Variants in OSMR observed in about 807,000 individuals in gnomAD.
OSMR encodes oncostatin-M-specific receptor subunit beta.
In OSMR, 81 loss-of-function variants were observed where a neutral mutation model predicts 99.9. That is an observed-to-expected ratio of 0.81 (90% CI 0.68 to 0.97). OSMR has a LOEUF of 0.97. Among genes scored for constraint, OSMR ranks in the 50% least tolerant of loss-of-function variants. The pLI is 0.00. For missense variants in OSMR, 1,099 were observed against 1,153.4 expected (o/e 0.95, Z 0.68); for synonymous variants, 406 against 410.4 (o/e 0.99, Z 0.13).
chr5:38,899,680 G>A (rs1441266817), intron 7 of OSMR, among the ~76,000 whole-genome samples: 2 of 152,176 alleles, frequency 1.3e-5, no homozygotes, highest in African/African-American at 4.8e-5. Context: ...TTCTGGCCCA[G>A]GGTGTGTCTT....
intron 3 of OSMR, among the ~76,000 whole-genome samples, chr5:38,879,683 G>A (rs1743118281): frequency 6.6e-6 from 1 of 150,380 alleles, no homozygotes; most frequent in South Asian, 2.1e-4. Flanking sequence ...GAGTGCAGTG[G>A]CGCAATCCCA....
At chr5:38,940,031 T>TG, downstream of OSMR, 1 of 226,674 alleles carries the variant, frequency 4.4e-6, no homozygotes, top group Non-Finnish European at 8.8e-6. Flanking sequence ...TTTTTTTTTT[T>TG]TTAGTATACT....
chr5:38,910,738 C>T lies in OSMR; in HGVS notation c.1285+6235C>T, dbSNP rs538764082. On this transcript the variant is annotated intron_variant, in intron 9 of 17. Transcript: ENST00000274276. The stretch of plus-strand genomic sequence containing the variant: ...TTAAGAGTAAAGTTTTGGCTGGGTG[C>T]GGTAGCTCACACCTGTAATCCCAGC... Among the ~76,000 whole-genome samples the T allele has an allele frequency of 3.3e-5, 5 of 152,232 alleles. No individual in the cohort carries two copies. In the East Asian group the frequency reaches 7.7e-4, roughly 24 times the overall value.
intron 14 of OSMR, 83 bp downstream of exon 14, chr5:38,924,678 G>T: frequency 8.3e-7 from 1 of 1,208,644 alleles, no homozygotes; most frequent in South Asian, 1.2e-5. Flanking sequence ...TGCCATCTCA[G>T]ACTGTGGCCA....
chr5:38,925,444 T>A, intron 15 of OSMR, 73 bp downstream of exon 15: 1 of 1,350,082 alleles, frequency 7.4e-7, no homozygotes, highest in Non-Finnish European at 1.1e-6. Flanking sequence ...AGTGTTGACT[T>A]AGGCTTTGTC....
Position 38,931,634 on chromosome 5 carries a change from T to TATCA in OSMR, c.2213-248_2213-245dup, listed in dbSNP as rs141116014. The TATCA allele has an allele frequency of 1.8e-3, 396 of 215,668 alleles. 1 individual carries two copies. Among genetic ancestry groups the TATCA allele is most frequent in the African/African-American group, 8.6e-3 (366 of 42,674 alleles). 13.4% of individuals were successfully genotyped at this position (215,668 alleles called of 1,614,324 possible). ...TAATACAGCAAGTCATGATCCAATCTATCAGAAGAGATAGATAGTAACAAA... is the reference window on the plus strand; with the variant it reads ...TAATACAGCAAGTCATGATCCAATCTATCAATCAGAAGAGATAGATAGTAACAAA... On this transcript the variant is annotated intron_variant, in intron 15 of 17. Coordinates refer to ENST00000274276, the MANE Select transcript of OSMR (RefSeq NM_003999.3).
At chr5:38,864,710 G>C (rs1490462830) in intron 1 of OSMR, among the ~76,000 whole-genome samples, 1 of 151,926 alleles carries the variant, frequency 6.6e-6, no homozygotes, top group Non-Finnish European at 1.5e-5. Context: ...ACTTTTGACT[G>C]TCTGCCTTTT....
At chr5:38,885,818 CG>C (rs1305007541) in intron 6 of OSMR, 5 of 936,604 alleles carry the variant, frequency 5.3e-6, no homozygotes, top group Admixed American at 6.2e-5. Flanking sequence ...TTGCCACCCA[CG>C]GGGAGTCAGT....
chr5:38,925,697 A>AT (rs1393631681), intron 15 of OSMR, among the ~76,000 whole-genome samples: 1 of 152,176 alleles, frequency 6.6e-6, no homozygotes, highest in African/African-American at 2.4e-5. Flanking sequence ...CAGATAGCAT[A>AT]TTTTAGTGTT....
intron 1 of OSMR, among the ~76,000 whole-genome samples, chr5:38,858,317 CTTTTT>C: frequency 7.2e-6 from 1 of 139,702 alleles, no homozygotes. Flanking sequence ...ATGAGATCCA[CTTTTT>C]TTTTTTTTTT....
At chr5:38,892,991 A>T (rs1033465240) in intron 7 of OSMR, among the ~76,000 whole-genome samples, 1 of 152,200 alleles carries the variant, frequency 6.6e-6, no homozygotes, top group Non-Finnish European at 1.5e-5. Flanking sequence ...AGCTCTGCCC[A>T]CATTTGTCAC....
chr5:38,866,187 G>T (rs1195381981), intron 1 of OSMR, among the ~76,000 whole-genome samples: 3 of 152,172 alleles, frequency 2.0e-5, no homozygotes, highest in Non-Finnish European at 4.4e-5. Context: ...AGTGAGGGTG[G>T]TGCTATGTGT....
At chr5:38,886,005 G>C (rs745338619) in intron 6 of OSMR, 34 bp from the exon 7 acceptor site, 7 of 1,610,356 alleles carry the variant, frequency 4.3e-6, no homozygotes, top group East Asian at 4.5e-5. Flanking sequence ...TAAAAACCTC[G>C]TAATGGTTGT....
downstream of OSMR, chr5:38,939,957 T>C (rs1449150864): frequency 2.2e-5 from 5 of 229,118 alleles, no homozygotes; most frequent in Non-Finnish European, 3.5e-5. Flanking sequence ...TCAAAGAAAA[T>C]GTATTAGACC....
intron 9 of OSMR, among the ~76,000 whole-genome samples, chr5:38,910,749 A>G (rs1745524270): frequency 1.3e-5 from 2 of 152,188 alleles, no homozygotes; most frequent in African/African-American, 4.8e-5. Context: ...GGTAGCTCAC[A>G]CCTGTAATCC....
chr5:38,914,579 C>T, intron 9 of OSMR, among the ~76,000 whole-genome samples: 1 of 152,180 alleles, frequency 6.6e-6, no homozygotes, highest in Admixed American at 6.5e-5. Context: ...TTCACCATAG[C>T]AAAGACATGG....
chr5:38,852,480 G>A (rs189982805), intron 1 of OSMR, among the ~76,000 whole-genome samples: 36 of 152,054 alleles, frequency 2.4e-4, no homozygotes, highest in Admixed American at 1.2e-3. Flanking sequence ...CTTTTTAAAC[G>A]TTACCAATTG....
intron 2 of OSMR, 106 bp from the exon 3 acceptor site, chr5:38,876,095 A>G: frequency 6.6e-7 from 1 of 1,508,596 alleles, no homozygotes; most frequent in Non-Finnish European, 9.0e-7. Context: ...CATATGAGCA[A>G]TATTTTCCAG....
Position 38,921,631 on chromosome 5 carries a change from A to G in OSMR, c.1602A>G (p.Glu534=), listed in dbSNP as rs746236505. ...ADPENKEVEE[E]RIAGTEGGFS... is the part of the protein sequence containing the mutation. ...TATATACAGAAGAGGTTGAGGAAGA[A>G]AGAATTGCAGGCACAGAGGGTGGAT... is the stretch of plus-strand genomic sequence containing the variant. Residue 534 remains glutamate (E), a synonymous_variant, in exon 12 of 18, where the codon GAA becomes GAG. Coordinates refer to ENST00000274276, the MANE Select transcript of OSMR (RefSeq NM_003999.3). The G allele has an allele frequency of 6.2e-7, 1 of 1,614,184 alleles. No homozygotes were observed. The highest frequency in any genetic ancestry group is 8.5e-7 in the Non-Finnish European group (1 of 1,180,022).
Sources: allele counts gnomAD v4.1 joint callset (sites outside exome capture counted in the v4.1 genomes callset), GRCh38; gene constraint gnomAD v4.1.1; transcripts MANE v1.5; gene names NCBI Gene and HGNC (gene_info 2026-07-23, HGNC 2026-07-21).